The following PPM1E variants were observed in gnomAD, a reference collection of about 807,000 sequenced individuals.
PPM1E encodes the protein protein phosphatase 1E.
PPM1E carries 20 observed loss-of-function variants against 65.9 expected under a neutral mutation model. That is an observed-to-expected ratio of 0.30 (90% CI 0.21 to 0.44). The LOEUF (loss-of-function observed/expected upper bound fraction) is 0.44. PPM1E is among the 20% of genes least tolerant of loss of function. The probability of loss-of-function intolerance (pLI) is 1.00; values close to 1 mark genes in which losing one functional copy is unlikely to be tolerated. For missense variants in PPM1E, 713 were observed against 953.1 expected (o/e 0.75, Z 3.32); for synonymous variants, 352 against 374.9 (o/e 0.94, Z 0.70).
At chr17:58,757,191 C>T (rs2049777242) in intron 1 of PPM1E, among the ~76,000 whole-genome samples, 1 of 152,082 alleles carries the variant, frequency 6.6e-6, no homozygotes, top group Admixed American at 6.6e-5. Flanking sequence ...AGCAAGCCTT[C>T]GGGTGAAAGA....
chr17:58,806,372 C>T (rs2143076862), intron 1 of PPM1E, among the ~76,000 whole-genome samples: 1 of 151,056 alleles, frequency 6.6e-6, no homozygotes, highest in East Asian at 1.9e-4. Context: ...TAGTTGTCGA[C>T]AGTATAGGGA....
chr17:58,859,112 T>C (rs2050912422), intron 1 of PPM1E, among the ~76,000 whole-genome samples: 1 of 152,180 alleles, frequency 6.6e-6, no homozygotes, highest in South Asian at 2.1e-4. Context: ...TTCACTTATA[T>C]AGGCAGTTAA....
chr17:58,888,356 TTCTC>T (rs1039621351), intron 1 of PPM1E, among the ~76,000 whole-genome samples: 8 of 144,672 alleles, frequency 5.5e-5, no homozygotes, highest in Non-Finnish European at 1.2e-4. Context: ...TTTTGGACTC[TTCTC>T]TCTTTTTTTT....
At chr17:58,926,412 A>G (rs557048609) in intron 1 of PPM1E, among the ~76,000 whole-genome samples, 1 of 151,960 alleles carries the variant, frequency 6.6e-6, no homozygotes, top group Non-Finnish European at 1.5e-5. Flanking sequence ...AAGAGGAAGG[A>G]AGGGTACTAT....
At chr17:58,949,536 A>T (rs180785161) in intron 1 of PPM1E, among the ~76,000 whole-genome samples, 8 of 152,294 alleles carry the variant, frequency 5.3e-5, no homozygotes, top group African/African-American at 1.9e-4. Flanking sequence ...ATTATTATTA[A>T]TAGATGAGGA....
rs183197880 is a variant in PPM1E, at chr17:58,792,995, G to A, written c.464+36534G>A. Among the ~76,000 whole-genome samples, 42 of 151,956 alleles carry A rather than the reference G, an allele frequency of 2.8e-4. No homozygotes were observed. The East Asian group carries it at 6.0e-3, about 22-fold the overall frequency. ...AATCTCTTGGCCTCATGATCCGCCC[G>A]CCTTGGCCTCTCAAAGTGCTGGGAT... On this transcript the variant is annotated intron_variant, in intron 1 of 6. Coordinates refer to ENST00000308249, the MANE Select transcript of PPM1E (RefSeq NM_014906.5).
At chr17:58,949,974 CT>C (rs1156996743) in intron 1 of PPM1E, among the ~76,000 whole-genome samples, 26 of 152,178 alleles carry the variant, frequency 1.7e-4, no homozygotes, top group Non-Finnish European at 3.4e-4. Context: ...GAGAAAGCTG[CT>C]GCTAGTCTAA....
chr17:58,919,749 T>C (rs538804204), intron 1 of PPM1E, among the ~76,000 whole-genome samples: 16 of 151,852 alleles, frequency 1.1e-4, no homozygotes, highest in African/African-American at 3.9e-4. Context: ...ATCACACCAT[T>C]GCACTCCAGC....
At position 58,926,336 on chromosome 17, in the gene PPM1E, T is replaced by TA. The variant is rs61085833; in HGVS notation, c.465-29298dup. ...GACAGAGTGAGACTCTTGTCTAAAT[T>TA]AAAAAAAAAAAAAAAGGCAAAGTAT... On this transcript the variant is annotated intron_variant, in intron 1 of 6. Coordinates refer to ENST00000308249, the MANE Select transcript of PPM1E (RefSeq NM_014906.5). Among the ~76,000 whole-genome samples, 304 of 136,750 alleles carry TA rather than the reference T, an allele frequency of 2.2e-3. 1 individual carries two copies. The highest frequency in any genetic ancestry group is 2.6e-3 in the Non-Finnish European group (166 of 62,710). The allele number at this position is 136,750 out of a possible 152,430, so 89.7% of individuals were successfully genotyped here.
At chr17:58,765,325 G>A (rs372028956) in intron 1 of PPM1E, among the ~76,000 whole-genome samples, 3 of 151,602 alleles carry the variant, frequency 2.0e-5, no homozygotes, top group South Asian at 2.1e-4. Flanking sequence ...TTACAGGCAC[G>A]CATCACCATG....
chr17:58,918,954 A>G (rs1173545230), intron 1 of PPM1E, among the ~76,000 whole-genome samples: 1 of 151,948 alleles, frequency 6.6e-6, no homozygotes, highest in Admixed American at 6.6e-5. Context: ...GATTGCTTTT[A>G]TGAGCTACAG....
intron 1 of PPM1E, among the ~76,000 whole-genome samples, chr17:58,771,071 A>G (rs994554360): frequency 6.6e-6 from 1 of 151,564 alleles, no homozygotes; most frequent in Non-Finnish European, 1.5e-5. Context: ...TGGCCAGGAT[A>G]GTCTTTATCT....
intron 1 of PPM1E, among the ~76,000 whole-genome samples, chr17:58,820,845 G>A (rs1439866024): frequency 6.6e-6 from 1 of 151,962 alleles, no homozygotes; most frequent in Non-Finnish European, 1.5e-5. Flanking sequence ...AATGATTATA[G>A]TAGCAATGGT....
At chr17:58,834,253 A>T (rs995207926) in intron 1 of PPM1E, among the ~76,000 whole-genome samples, 4 of 151,884 alleles carry the variant, frequency 2.6e-5, no homozygotes, top group African/African-American at 9.7e-5. Flanking sequence ...CTGCTTACTT[A>T]TTTACAGTTG....
intron 1 of PPM1E, among the ~76,000 whole-genome samples, chr17:58,848,724 C>T (rs2050795318): frequency 6.6e-6 from 1 of 152,132 alleles, no homozygotes; most frequent in African/African-American, 2.4e-5. Flanking sequence ...GGATATTGGT[C>T]TAAAATTCTC....
chr17:58,817,374 T>C (rs2050436835), intron 1 of PPM1E, among the ~76,000 whole-genome samples: 1 of 152,196 alleles, frequency 6.6e-6, no homozygotes, highest in East Asian at 1.9e-4. Context: ...CATTGTGCTT[T>C]AACAGATAGT....
At chr17:58,872,450 G>A (rs1015879472) in intron 1 of PPM1E, among the ~76,000 whole-genome samples, 4 of 152,152 alleles carry the variant, frequency 2.6e-5, no homozygotes, top group Non-Finnish European at 4.4e-5. Context: ...TGGTAGCAGC[G>A]TTCCAGTTGT....
intron 1 of PPM1E, among the ~76,000 whole-genome samples, chr17:58,822,748 T>G (rs2050493562): frequency 6.6e-6 from 1 of 152,214 alleles, no homozygotes; most frequent in Non-Finnish European, 1.5e-5. Context: ...ATGCTTTTTT[T>G]CTGTGGGGAA....
intron 1 of PPM1E, among the ~76,000 whole-genome samples, chr17:58,933,823 G>A (rs1302292201): frequency 1.3e-5 from 2 of 149,696 alleles, no homozygotes; most frequent in Non-Finnish European, 3.0e-5. Flanking sequence ...AAGGCTGGGC[G>A]CAGTGGCTCA....
Sources: gnomAD v4.1 joint callset for allele counts (sites outside exome capture counted in the v4.1 genomes callset) on GRCh38, gnomAD v4.1.1 for gene constraint, MANE v1.5 for transcripts, NCBI Gene and HGNC (gene_info 2026-07-23, HGNC 2026-07-21) for gene names.